The following SLC24A2 variants were observed in gnomAD, a reference collection of about 807,000 sequenced individuals.
The protein encoded by SLC24A2 is solute carrier family 24 member 2.
In SLC24A2, 36 loss-of-function variants were observed where a neutral mutation model predicts 62.0. The observed-to-expected ratio is 0.58, with a 90% CI of 0.44 to 0.77. The LOEUF is 0.77. Ranked by LOEUF, SLC24A2 falls within the 30% of genes least tolerant of loss-of-function variation. SLC24A2 has a pLI of 0.00. For missense variants in SLC24A2, 846 were observed against 817.9 expected (o/e 1.03, Z -0.42); for synonymous variants, 358 against 294.0 (o/e 1.22, Z -2.23).
chr9:19,649,013 A>AC (rs1262511702), intron 2 of SLC24A2, among the ~76,000 whole-genome samples: 3 of 148,726 alleles, frequency 2.0e-5, no homozygotes, highest in Non-Finnish European at 4.5e-5. Context: ...AAAAAAAAAA[A>AC]AAAAAACAAA....
At chr9:20,016,304 T>C in the SLC24A2 span, among the ~76,000 whole-genome samples, 1 of 152,188 alleles carries the variant, frequency 6.6e-6, no homozygotes, top group Admixed American at 6.5e-5. Context: ...AGATACTTTA[T>C]TGATTTATAC....
the SLC24A2 span, among the ~76,000 whole-genome samples, chr9:20,103,281 ACAAAAAGG>A: frequency 1.3e-5 from 2 of 152,198 alleles, no homozygotes; most frequent in African/African-American, 4.8e-5. Context: ...GCACAGACAA[ACAAAAAGG>A]CAGCAGTAAC....
intron 2 of SLC24A2, among the ~76,000 whole-genome samples, chr9:19,636,311 T>TTTCTG: frequency 5.0e-5 from 1 of 20,122 alleles, no homozygotes; most frequent in South Asian, 2.3e-3. Flanking sequence ...TTTCTTTTCT[T>TTTCTG]TTCTTTTCTT....
the SLC24A2 span, among the ~76,000 whole-genome samples, chr9:19,836,748 T>C: frequency 6.6e-6 from 1 of 152,178 alleles, no homozygotes; most frequent in Non-Finnish European, 1.5e-5. Context: ...ATCATCCTGA[T>C]ACCAAAGCCT....
At chr9:19,732,147 A>G (rs1487281301) in intron 2 of SLC24A2, among the ~76,000 whole-genome samples, 1 of 152,190 alleles carries the variant, frequency 6.6e-6, no homozygotes, top group Non-Finnish European at 1.5e-5. Context: ...ACTTTTAGAC[A>G]GAACTGCAAA....
At chr9:20,072,799 G>A in the SLC24A2 span, among the ~76,000 whole-genome samples, 5 of 152,154 alleles carry the variant, frequency 3.3e-5, 1 homozygote, top group South Asian at 1.0e-3. Flanking sequence ...GCTGAAGAAG[G>A]CAAGGAAACA....
chr9:19,940,093 G>T, the SLC24A2 span, among the ~76,000 whole-genome samples: 1 of 152,222 alleles, frequency 6.6e-6, no homozygotes, highest in Non-Finnish European at 1.5e-5. Context: ...ATGGGGAAGT[G>T]AAAGTGCAGA....
the SLC24A2 span, among the ~76,000 whole-genome samples, chr9:19,823,410 G>C: frequency 1.3e-5 from 2 of 151,812 alleles, no homozygotes; most frequent in African/African-American, 4.8e-5. Flanking sequence ...TTCAGCTTGT[G>C]TTTTCTAAAA....
At chr9:20,266,652 G>T in the SLC24A2 span, among the ~76,000 whole-genome samples, 1 of 152,036 alleles carries the variant, frequency 6.6e-6, no homozygotes, top group Non-Finnish European at 1.5e-5. Flanking sequence ...TGAAATATCA[G>T]ACCTACATTT....
chr9:20,215,544 C>A, the SLC24A2 span, among the ~76,000 whole-genome samples: 1 of 152,182 alleles, frequency 6.6e-6, no homozygotes, highest in Non-Finnish European at 1.5e-5. Context: ...ATGGTATGTG[C>A]TCAAGTAAAG....
chr9:20,140,122 A>C, the SLC24A2 span, among the ~76,000 whole-genome samples: 3 of 152,330 alleles, frequency 2.0e-5, no homozygotes, highest in South Asian at 6.2e-4. Flanking sequence ...ACTGACTGAG[A>C]TGCGGCGAGA....
the SLC24A2 span, among the ~76,000 whole-genome samples, chr9:20,289,505 T>A: frequency 6.6e-6 from 1 of 152,216 alleles, no homozygotes; most frequent in South Asian, 2.1e-4. Context: ...TGCCTTCGGA[T>A]AAGTCATTAA....
chr9:19,948,708 A>G, the SLC24A2 span, among the ~76,000 whole-genome samples: 3 of 151,164 alleles, frequency 2.0e-5, no homozygotes, highest in Non-Finnish European at 4.4e-5. Context: ...AGCCGGGCGC[A>G]GTGGCGGGCG....
the SLC24A2 span, among the ~76,000 whole-genome samples, chr9:20,153,354 C>T: frequency 6.6e-6 from 1 of 151,774 alleles, no homozygotes; most frequent in East Asian, 1.9e-4. Context: ...CAAACAACTC[C>T]CTGCTGGGTC....
chr9:20,018,116 T>C, the SLC24A2 span, among the ~76,000 whole-genome samples: 1 of 151,992 alleles, frequency 6.6e-6, no homozygotes, highest in Non-Finnish European at 1.5e-5. Flanking sequence ...CCGGCTAATT[T>C]TTTTGTATTT....
intron 7 of SLC24A2, among the ~76,000 whole-genome samples, chr9:19,563,502 G>C (rs1258595209): frequency 1.3e-5 from 2 of 152,162 alleles, no homozygotes; most frequent in African/African-American, 2.4e-5. Flanking sequence ...TAGGAAGAAA[G>C]ACATCATATG....
chr9:19,742,725 C>T (rs1821716340), intron 2 of SLC24A2, among the ~76,000 whole-genome samples: 1 of 152,118 alleles, frequency 6.6e-6, no homozygotes, highest in Non-Finnish European at 1.5e-5. Context: ...AGGAACAAGG[C>T]CAACTAAAAA....
the SLC24A2 span, among the ~76,000 whole-genome samples, chr9:19,981,358 CTAA>C: frequency 6.6e-6 from 1 of 152,108 alleles, no homozygotes; most frequent in Admixed American, 6.6e-5. Context: ...CAAGGTTCTA[CTAA>C]TAATATTGCA....
the SLC24A2 span, among the ~76,000 whole-genome samples, chr9:19,859,227 T>C: frequency 1.8e-3 from 279 of 152,294 alleles, 2 homozygotes; most frequent in African/African-American, 5.7e-3. Context: ...GCCATTATCT[T>C]AAGCAAAATA....
Sources: allele counts gnomAD v4.1 joint callset (sites outside exome capture counted in the v4.1 genomes callset), GRCh38; gene constraint gnomAD v4.1.1; transcripts MANE v1.5; gene names NCBI Gene and HGNC (gene_info 2026-07-23, HGNC 2026-07-21).